JAZF1: variants seen among roughly 807,000 people sequenced by gnomAD.
The protein encoded by JAZF1 is JAZF zinc finger 1, also known as juxtaposed with another zinc finger protein 1.
In JAZF1, 8 loss-of-function variants were observed where a neutral mutation model predicts 26.4. That is an observed-to-expected ratio of 0.30 (90% CI 0.18 to 0.55). JAZF1 has a LOEUF of 0.55. Ranked by LOEUF, JAZF1 falls within the 20% of genes least tolerant of loss-of-function variation. The probability of loss-of-function intolerance (pLI) is 0.94; values close to 1 mark genes in which losing one functional copy is unlikely to be tolerated. For synonymous variants in JAZF1, 126 were observed against 122.3 expected (o/e 1.03, Z -0.20); for missense variants, 199 against 322.0 (o/e 0.62, Z 2.92).
At chr7:27,967,704 G>A (rs933387141) in intron 2 of JAZF1, among the ~76,000 whole-genome samples, 1 of 152,070 alleles carries the variant, frequency 6.6e-6, no homozygotes, top group African/African-American at 2.4e-5. Context: ...TTCCATTTTT[G>A]TTCCTATTAT....
At chr7:27,953,140 A>G (rs1449572235) in intron 2 of JAZF1, among the ~76,000 whole-genome samples, 1 of 152,230 alleles carries the variant, frequency 6.6e-6, no homozygotes, top group African/African-American at 2.4e-5. Context: ...CCAGCTGGCA[A>G]ACCACAGGCT....
At chr7:28,133,619 T>C (rs1380595727) in intron 1 of JAZF1, among the ~76,000 whole-genome samples, 1 of 152,228 alleles carries the variant, frequency 6.6e-6, no homozygotes, top group Non-Finnish European at 1.5e-5. Flanking sequence ...TAAATGGTCT[T>C]TTGTGCACTA....
intron 1 of JAZF1, among the ~76,000 whole-genome samples, chr7:28,134,859 C>G (rs1302097989): frequency 3.9e-5 from 6 of 152,094 alleles, no homozygotes; most frequent in Non-Finnish European, 7.3e-5. Flanking sequence ...TACACATATT[C>G]TCTCGCTTGG....
rs372872563 is a variant in JAZF1, at chr7:28,154,213, C to G, written c.115+26250G>C. On this transcript the variant is annotated intron_variant, in intron 1 of 4. Transcript: ENST00000283928. ...TCTGCAAAGCGCAGATGAGCTTTTG[C>G]TACAATCCCACAAGTTGATCCCATA... Among the ~76,000 whole-genome samples the G allele has an allele frequency of 3.9e-5, 6 of 152,184 alleles. No homozygotes were observed. The East Asian group carries it at 1.2e-3, about 29-fold the overall frequency.
chr7:27,900,716 T>C (rs1784150350), intron 2 of JAZF1, among the ~76,000 whole-genome samples: 1 of 152,222 alleles, frequency 6.6e-6, no homozygotes, highest in Non-Finnish European at 1.5e-5. Context: ...TTTTTTAAAA[T>C]TGTAAAAAGT....
In JAZF1 at chr7:27,939,969, C is replaced by T. The variant is rs915628862; in HGVS notation, c.189-44553G>A. 9.9e-5 allele frequency among the ~76,000 whole-genome samples: 15 copies of T among 152,136 alleles called. 1 individual carries two copies. The highest frequency in any genetic ancestry group is 2.9e-5 in the Non-Finnish European group (2 of 68,038). On this transcript the variant is annotated intron_variant, in intron 2 of 4. Transcript: ENST00000283928. ...TGGTTGAAAACCATTCCACGGCTGC[C>T]GTGGCCAGTGAGGAGGGTTCTGAGG...
chr7:27,848,959 T>C (rs898425829), intron 3 of JAZF1, among the ~76,000 whole-genome samples: 3 of 152,150 alleles, frequency 2.0e-5, no homozygotes, highest in Non-Finnish European at 4.4e-5. Context: ...AACCTGGCCC[T>C]AGGAGAGGTG....
At chr7:28,000,107 G>A (rs1786108609) in intron 1 of JAZF1, among the ~76,000 whole-genome samples, 1 of 152,178 alleles carries the variant, frequency 6.6e-6, no homozygotes, top group Non-Finnish European at 1.5e-5. Context: ...GGATACTGTA[G>A]AAAAGCAGTG....
At chr7:28,135,959 G>C (rs891931006) in intron 1 of JAZF1, among the ~76,000 whole-genome samples, 1 of 152,170 alleles carries the variant, frequency 6.6e-6, no homozygotes, top group South Asian at 2.1e-4. Flanking sequence ...TCTGTGTAAT[G>C]AAGTTTCTGC....
intron 2 of JAZF1, among the ~76,000 whole-genome samples, chr7:27,990,166 G>C (rs991230022): frequency 1.3e-5 from 2 of 152,100 alleles, no homozygotes; most frequent in African/African-American, 4.8e-5. Context: ...CCATCATTCT[G>C]AGCAAACTAT....
At chr7:28,142,350 A>G (rs1055690826) in intron 1 of JAZF1, among the ~76,000 whole-genome samples, 7 of 152,166 alleles carry the variant, frequency 4.6e-5, no homozygotes, top group Admixed American at 1.3e-4. Flanking sequence ...TGAGGACCAC[A>G]CTTCGAGAAC....
chr7:27,993,277 C>T (rs1187561898), intron 1 of JAZF1, among the ~76,000 whole-genome samples: 1 of 152,154 alleles, frequency 6.6e-6, no homozygotes, highest in Admixed American at 6.5e-5. Context: ...ATGGCTCCAT[C>T]AAGTCGGGTC....
At chr7:27,973,309 T>G (rs563765561) in intron 2 of JAZF1, among the ~76,000 whole-genome samples, 177 of 152,240 alleles carry the variant, frequency 1.2e-3, no homozygotes, top group African/African-American at 4.2e-3. Context: ...TATATATTTA[T>G]TTTTATTATT....
At chr7:27,938,716 G>C (rs960460340) in intron 2 of JAZF1, among the ~76,000 whole-genome samples, 1 of 152,078 alleles carries the variant, frequency 6.6e-6, no homozygotes, top group Non-Finnish European at 1.5e-5. Flanking sequence ...CTGTTGCCCA[G>C]GCTGGAGTGC....
chr7:28,123,529 C>T (rs1297062932), intron 1 of JAZF1, among the ~76,000 whole-genome samples: 3 of 152,214 alleles, frequency 2.0e-5, no homozygotes, highest in Non-Finnish European at 4.4e-5. Flanking sequence ...AGTAGGCACT[C>T]GGGAAAGATT....
chr7:28,050,724 A>C (rs1049196438), intron 1 of JAZF1, among the ~76,000 whole-genome samples: 2 of 152,110 alleles, frequency 1.3e-5, no homozygotes, highest in African/African-American at 4.8e-5. Context: ...TGTTGGATTA[A>C]AAAAAAGAAT....
intron 3 of JAZF1, among the ~76,000 whole-genome samples, chr7:27,879,746 TTGAA>T (rs1783738548): frequency 6.6e-6 from 1 of 152,144 alleles, no homozygotes; most frequent in African/African-American, 2.4e-5. Context: ...GAAAATATAC[TTGAA>T]TGAGAGGAAC....
At chr7:27,984,984 G>A (rs1465862763) in intron 2 of JAZF1, among the ~76,000 whole-genome samples, 1 of 152,198 alleles carries the variant, frequency 6.6e-6, no homozygotes, top group African/African-American at 2.4e-5. Context: ...AGCACTAAAT[G>A]CCCACAAGAG....
At chr7:28,095,301 T>G (rs1373762871) in intron 1 of JAZF1, among the ~76,000 whole-genome samples, 1 of 152,188 alleles carries the variant, frequency 6.6e-6, no homozygotes, top group Non-Finnish European at 1.5e-5. Context: ...GAAAGAGGTT[T>G]AATTGTCTCA....
Sources: allele counts gnomAD v4.1 joint callset (sites outside exome capture counted in the v4.1 genomes callset), GRCh38; gene constraint gnomAD v4.1.1; transcripts MANE v1.5; gene names NCBI Gene and HGNC (gene_info 2026-07-23, HGNC 2026-07-21).